ZNF547: variants seen among roughly 807,000 people sequenced by gnomAD.
ZNF547 encodes the protein zinc finger protein 547.
A neutral mutation model predicts 7.7 loss-of-function variants in ZNF547; 4 were observed. That is an observed-to-expected ratio of 0.52 (90% CI 0.26 to 1.20). The LOEUF is 1.20. Ranked by LOEUF, ZNF547 falls within the 50% of genes most tolerant of loss-of-function variation. ZNF547 has a pLI of 0.14. For missense variants in ZNF547, 449 were observed against 485.8 expected, an observed-to-expected ratio of 0.92 and a Z score of 0.71; for synonymous variants, 166 against 166.2, an observed-to-expected ratio of 1.00 and a Z score of 0.01.
At chr19:57,375,937 C>T (rs896531684) in intron 3 of ZNF547, among the ~76,000 whole-genome samples, 2 of 151,822 alleles carry the variant, frequency 1.3e-5, no homozygotes, top group African/African-American at 2.4e-5. Flanking sequence ...CCGAGGAGGG[C>T]GGATCACCTG....
At chr19:57,376,689 T>C (rs143126366) in intron 3 of ZNF547, among the ~76,000 whole-genome samples, 1 of 152,304 alleles carries the variant, frequency 6.6e-6, no homozygotes, top group African/African-American at 2.4e-5. Flanking sequence ...TTTTAAATCA[T>C]GGAGGTTTGG....
Position 57,378,632 on chromosome 19 carries a change from C to T in ZNF547, c.*447C>T, listed in dbSNP as rs2361119. 322,028 of 352,088 alleles carry T rather than the reference C, an allele frequency of 0.91. 147,761 individuals are homozygous for T. The highest frequency in any genetic ancestry group is 0.95 in the Middle Eastern group (2,475 of 2,616). 21.8% of individuals were successfully genotyped at this position (352,088 alleles called of 1,614,324 possible). A position where few individuals can be genotyped will look rare whatever the true frequency, so the allele number is the denominator to read the frequency against. On this transcript the variant is annotated 3_prime_UTR_variant, in exon 4 of 4. Transcript: ENST00000282282. ...TGTGCCTTGAATGTAGCCAAAATGA[C>T]GAACAACACCCAGAAATCTGTGATT...
intron 3 of ZNF547, among the ~76,000 whole-genome samples, chr19:57,376,732 G>A (rs1032077084): frequency 6.6e-5 from 10 of 152,094 alleles, no homozygotes; most frequent in South Asian, 2.1e-4. Context: ...AAACTTATTC[G>A]TGGAGGCCTG....
At position 57,363,567 on chromosome 19, in the gene ZNF547, G is replaced by C. The variant is rs781713961; in HGVS notation, c.-149G>C. The C allele has an allele frequency of 1.3e-5, 2 of 152,738 alleles. No homozygotes were observed. The allele number at this position is 152,738 out of a possible 1,614,324, so 9.5% of individuals were successfully genotyped here. On this transcript the variant is annotated 5_prime_UTR_variant, in exon 1 of 4. Transcript: ENST00000282282. ...TGGTTCCTTGTACGCAGAGGCGGTAGTGACACAGGCACAACTGACAGTGGC... is the reference window on the plus strand; with the variant it reads ...TGGTTCCTTGTACGCAGAGGCGGTACTGACACAGGCACAACTGACAGTGGC...
In ZNF547 at chr19:57,378,173, C is replaced by T. The variant is rs1370326758; in HGVS notation, c.1197C>T (p.Val399=). 1.2e-6 allele frequency: 2 copies of T among 1,607,048 alleles called. No individual in the cohort carries two copies. Among genetic ancestry groups the T allele is most frequent in the Admixed American group, 3.3e-5 (2 of 59,792 alleles). Residue 399 remains valine, a synonymous_variant, in exon 4 of 4, where the codon GTC becomes GTT. Coordinates refer to ENST00000282282, the MANE Select transcript of ZNF547 (RefSeq NM_173631.4). ...YNSTLLRHQK[V]HTG is the part of the protein sequence containing the mutation. ...CTACACTTCTCAGACATCAGAAAGT[C>T]CACACTGGATAAGGCCCTTATGAAT...
intron 3 of ZNF547, among the ~76,000 whole-genome samples, chr19:57,374,047 G>A (rs754522574): frequency 1.3e-4 from 20 of 151,922 alleles, no homozygotes; most frequent in Non-Finnish European, 2.4e-4. Flanking sequence ...TTCCTGCAGT[G>A]CCCTAGCAGA....
rs367804609 is a variant in ZNF547, at chr19:57,371,834, G to C, written c.77G>C (p.Gly26Ala). The C allele has an allele frequency of 4.3e-6, 7 of 1,613,450 alleles. No individual in the cohort carries two copies. Among genetic ancestry groups the C allele is most frequent in the Middle Eastern group, 1.6e-4 (1 of 6,080 alleles). The change falls in exon 3 of 4, where the codon GGG (glycine) becomes GCG (alanine). Residue 26 changes from glycine to alanine, a missense_variant. Coordinates refer to ENST00000282282, the MANE Select transcript of ZNF547 (RefSeq NM_173631.4). ...VAIYFSQEEW[G>A]HLDEAQRLLY... Reference sequence around the variant, plus strand: ...ATATATTTCTCCCAGGAGGAGTGGGGGCATCTCGATGAGGCTCAGAGATTG... The same window carrying C: ...ATATATTTCTCCCAGGAGGAGTGGGCGCATCTCGATGAGGCTCAGAGATTG...
At chr19:57,364,700 C>T in intron 1 of ZNF547, 3 of 742,422 alleles carry the variant, frequency 4.0e-6, no homozygotes, top group Non-Finnish European at 6.7e-6. Context: ...AAGATCGCGC[C>T]ATTGCACTCC....
rs532650163 is a variant in ZNF547 at position 57,377,947 on chromosome 19, A to G, written c.971A>G (p.Tyr324Cys). The G allele has an allele frequency of 2.0e-5, 33 of 1,614,194 alleles. No homozygotes were observed. The highest frequency in any genetic ancestry group is 2.0e-4 in the Admixed American group (12 of 60,022). The change falls in exon 4 of 4, where the codon TAT becomes TGT. Residue 324 changes from tyrosine (Y) to cysteine (C), a missense_variant. Coordinates refer to ENST00000282282, the MANE Select transcript of ZNF547 (RefSeq NM_173631.4). ...HQRVHTGERP[Y>C]ECNECGKFFS... ...AGAGTTCACACTGGAGAAAGGCCTTATGAGTGCAATGAATGTGGGAAATTC... is the reference window on the plus strand; with the variant it reads ...AGAGTTCACACTGGAGAAAGGCCTTGTGAGTGCAATGAATGTGGGAAATTC...
intron 1 of ZNF547, chr19:57,364,654 T>C: frequency 1.6e-6 from 1 of 617,010 alleles, no homozygotes. Context: ...GGCAGGAGAA[T>C]TGCCTGAACC....
Position 57,377,523 on chromosome 19 carries a change from A to T in ZNF547, c.547A>T (p.Thr183Ser), listed in dbSNP as rs373576598. The T allele has an allele frequency of 1.4e-4, 225 of 1,614,016 alleles. No homozygotes were observed. The highest frequency in any genetic ancestry group is 1.9e-4 in the Non-Finnish European group (223 of 1,180,034). The change falls in exon 4 of 4, where the codon ACT becomes TCT. Residue 183 changes from threonine (T) to serine (S), a missense_variant. Physicochemically the swap from Thr to Ser is moderately conservative, Grantham distance 58. Coordinates refer to ENST00000282282, the MANE Select transcript of ZNF547 (RefSeq NM_173631.4). ...TCAGAAAATCCACACTGGAGAAAGA[A>T]CTTATAAGTGCAGCAAATGTGGGAT... ...DHQKIHTGER[T>S]YKCSKCGILF...
intron 1 of ZNF547, among the ~76,000 whole-genome samples, chr19:57,366,099 G>A (rs1189459930): frequency 2.0e-5 from 3 of 151,232 alleles, no homozygotes; most frequent in Admixed American, 6.6e-5. Context: ...TCCTGACCTC[G>A]TGATCCGCTC....
rs750109665 is a variant in ZNF547 at position 57,365,107 on chromosome 19, G to C, written c.-13+1404G>C. On this transcript the variant is annotated intron_variant, in intron 1 of 3. Transcript: ENST00000282282. ...TATTATGCTTCATGACATAAGACAAGAAGATGGAATAAAGAACTTCTTTAC... is the reference window on the plus strand; with the variant it reads ...TATTATGCTTCATGACATAAGACAACAAGATGGAATAAAGAACTTCTTTAC... 5 of 1,609,378 alleles carry C rather than the reference G, an allele frequency of 3.1e-6. No homozygotes were observed. In the East Asian group the frequency reaches 8.9e-5, roughly 29 times the overall value.
intron 1 of ZNF547, chr19:57,364,716 G>T: frequency 1.2e-6 from 1 of 868,782 alleles, no homozygotes; most frequent in South Asian, 1.6e-5. Flanking sequence ...ACTCCAGCCT[G>T]GGCGACAGAG....
chr19:57,378,587 C>A lies in ZNF547; in HGVS notation c.*402C>A. 2.7e-6 allele frequency: 1 copy of A among 371,348 alleles called. No individual in the cohort carries two copies. Among genetic ancestry groups the A allele is most frequent in the Non-Finnish European group, 5.2e-6 (1 of 191,022 alleles). The allele number at this position is 371,348 out of a possible 1,614,324, so 23.0% of individuals were successfully genotyped here. A position where few individuals can be genotyped will look rare whatever the true frequency, so the allele number is the denominator to read the frequency against. ...CACTACTTAGACATCATGTAGTTCA[C>A]ACTGGAAAAAGGCCACGTATGTGCC... On this transcript the variant is annotated 3_prime_UTR_variant, in exon 4 of 4. Coordinates refer to ENST00000282282, the MANE Select transcript of ZNF547 (RefSeq NM_173631.4).
At chr19:57,365,372 C>T in intron 1 of ZNF547, 1 of 737,002 alleles carries the variant, frequency 1.4e-6, no homozygotes, top group East Asian at 2.7e-5. Context: ...CTCAGCTTAT[C>T]TAAACTTAAT....
chr19:57,373,306 G>A (rs1007444932), intron 3 of ZNF547, among the ~76,000 whole-genome samples: 1 of 152,152 alleles, frequency 6.6e-6, no homozygotes, highest in Non-Finnish European at 1.5e-5. Context: ...AACGGCATGG[G>A]GGAAACTGTT....
At position 57,377,141 on chromosome 19, in the gene ZNF547, A is replaced by C; in HGVS notation, c.165A>C (p.Gly55=). ...TTATTCTTACAGGTTGTTGCCATGG[A>C]GCTGAGGATGAGGAGGCACCTTTAG... ...ALLSSLGCCH[G]AEDEEAPLEP... The change falls in exon 4 of 4, where the codon GGA becomes GGC. Residue 55 remains glycine, a synonymous_variant. Coordinates refer to ENST00000282282, the MANE Select transcript of ZNF547 (RefSeq NM_173631.4). 6.2e-7 allele frequency: 1 copy of C among 1,612,930 alleles called. No individual in the cohort carries two copies. The highest frequency in any genetic ancestry group is 1.1e-5 in the South Asian group (1 of 91,046).
intron 2 of ZNF547, among the ~76,000 whole-genome samples, chr19:57,370,595 G>A (rs2088498566): frequency 6.6e-6 from 1 of 152,186 alleles, no homozygotes; most frequent in African/African-American, 2.4e-5. Context: ...GGCAGGAGGA[G>A]TGTGAATGGA....
Sources: gnomAD v4.1 joint callset for allele counts (sites outside exome capture counted in the v4.1 genomes callset) on GRCh38, gnomAD v4.1.1 for gene constraint, MANE v1.5 for transcripts, NCBI Gene and HGNC (gene_info 2026-07-23, HGNC 2026-07-21) for gene names.